The following GOLGA4 variants were observed in gnomAD, a reference collection of about 807,000 sequenced individuals.
The protein encoded by GOLGA4 is golgin A4, also known as golgin subfamily A member 4.
GOLGA4 carries 169 observed loss-of-function variants against 265.9 expected under a neutral mutation model. The ratio of observed to expected loss-of-function variants is 0.64; its 90% CI spans 0.56 to 0.72. The LOEUF is 0.72. GOLGA4 is among the 30% of genes least tolerant of loss of function. GOLGA4 has a pLI of 0.00. For synonymous variants in GOLGA4, 923 were observed against 855.8 expected (o/e 1.08, Z -1.37); for missense variants, 2,482 against 2,483.4 (o/e 1.00, Z 0.01).
rs1560280794 is a variant in GOLGA4 at position 37,258,037 on chromosome 3, A to ATATACATACATATATATATGTATG, written c.162+6558_162+6581dup. 7.2e-4 allele frequency among the ~76,000 whole-genome samples: 49 copies of ATATACATACATATATATATGTATG among 68,078 alleles called. 5 individuals carry two copies. Among genetic ancestry groups the ATATACATACATATATATATGTATG allele is most frequent in the Non-Finnish European group, 1.2e-3 (38 of 32,996 alleles). 44.7% of individuals were successfully genotyped at this position (68,078 alleles called of 152,430 possible). A position where few individuals can be genotyped will look rare whatever the true frequency, so the allele number is the denominator to read the frequency against. ...TATATATATGTATGTATATATGTAT[A>ATATACATACATATATATATGTATG]TATACATACATATATATATGTATGT... On this transcript the variant is annotated intron_variant, in intron 2 of 23. Transcript: ENST00000361924.
Position 37,286,014 on chromosome 3 carries a change from C to G in GOLGA4, c.478C>G (p.Leu160Val), listed in dbSNP as rs761497986. Residue 160 changes from leucine (L) to valine (V), a missense_variant and splice_region_variant, in exon 4 of 24, where the codon CTT becomes GTT. Around this residue, in one of 3 missense-constraint regions of GOLGA4, gnomAD observed 1,536 missense variants for 1,483.7 expected, o/e 1.04. Coordinates refer to ENST00000361924, the MANE Select transcript of GOLGA4 (RefSeq NM_002078.5). Reference protein sequence around the residue: ...LSSYRGKYSELVTAYQMLQRE... With the variant: ...LSSYRGKYSEVVTAYQMLQRE... ...AATGTTGTTGATGACTATATTTTAG[C>G]TTGTTACAGCTTATCAGATGCTTCA... is the stretch of plus-strand genomic sequence containing the variant. 1 of 1,551,628 alleles carries G rather than the reference C, an allele frequency of 6.4e-7. No homozygotes were observed. The highest frequency in any genetic ancestry group is 8.9e-7 in the Non-Finnish European group (1 of 1,129,888).
intron 22 of GOLGA4, among the ~76,000 whole-genome samples, chr3:37,360,183 C>T (rs1348485549): frequency 1.3e-5 from 2 of 152,066 alleles, no homozygotes; most frequent in Admixed American, 6.5e-5. Context: ...TTGCTTTTTT[C>T]ACTTAATATA....
At chr3:37,309,079 C>T (rs2096915619) in intron 10 of GOLGA4, among the ~76,000 whole-genome samples, 1 of 150,352 alleles carries the variant, frequency 6.7e-6, no homozygotes, top group African/African-American at 2.5e-5. Flanking sequence ...TGGTGAAACC[C>T]TGTCTCTACT....
intron 12 of GOLGA4, 23 bp downstream of exon 12, chr3:37,319,217 C>G (rs1412017171): frequency 2.6e-6 from 4 of 1,518,432 alleles, no homozygotes; most frequent in Non-Finnish European, 2.7e-6. Flanking sequence ...TTTTTTTTTT[C>G]TGCTATAGGT....
chr3:37,324,461 C>A lies in GOLGA4; in HGVS notation c.2575C>A (p.His859Asn). Residue 859 changes from histidine to asparagine, a missense_variant, in exon 14 of 24, where the codon CAC becomes AAC. His to Asn is a moderately conservative substitution (Grantham distance 68). Around this residue, in one of 3 missense-constraint regions of GOLGA4, gnomAD observed 1,536 missense variants for 1,483.7 expected, o/e 1.04. Coordinates refer to ENST00000361924, the MANE Select transcript of GOLGA4 (RefSeq NM_002078.5). Reference protein sequence around the residue: ...KKDVCTELDAHKIQVQDLMQQ... With the variant: ...KKDVCTELDANKIQVQDLMQQ... ...AGATGTTTGTACTGAGTTAGATGCT[C>A]ACAAAATCCAGGTGCAGGACTTAAT... 6.2e-7 allele frequency: 1 copy of A among 1,614,064 alleles called. No individual in the cohort carries two copies. The highest frequency in any genetic ancestry group is 1.1e-5 in the South Asian group (1 of 91,048).
Position 37,314,690 on chromosome 3 carries a change from A to G in GOLGA4, c.1235-730A>G, listed in dbSNP as rs544185073. Among the ~76,000 whole-genome samples the G allele has an allele frequency of 3.5e-4, 45 of 128,588 alleles. 1 individual carries two copies. The South Asian group carries it at 8.9e-3, about 25-fold the overall frequency. 84.4% of individuals were successfully genotyped at this position (128,588 alleles called of 152,430 possible). The stretch of plus-strand genomic sequence containing the variant: ...ACACACACACACACACACGAAAAAA[A>G]CCTTACTACTCTAGCCAAGATGATT... On this transcript the variant is annotated intron_variant, in intron 10 of 23. Transcript: ENST00000361924.
chr3:37,267,705 C>G (rs563883236), intron 2 of GOLGA4, among the ~76,000 whole-genome samples: 1 of 152,138 alleles, frequency 6.6e-6, no homozygotes, highest in African/African-American at 2.4e-5. Context: ...TTATTAATTA[C>G]AAAAACAAAA....
Position 37,324,723 on chromosome 3 carries a change from A to C in GOLGA4, c.2837A>C (p.Glu946Ala), listed in dbSNP as rs752667578. The C allele has an allele frequency of 1.3e-6, 2 of 1,589,412 alleles. No individual in the cohort carries two copies. The highest frequency in any genetic ancestry group is 4.5e-5 in the East Asian group (2 of 44,774). ...DSIHILNEEY[E>A]TKFKNQEKKM... is the part of the protein sequence containing the mutation. The stretch of plus-strand genomic sequence containing the variant: ...ATTCATATTTTGAATGAGGAATATG[A>C]AACCAAATTTAAAAACCAAGAAAAA... Residue 946 changes from glutamate to alanine, a missense_variant, in exon 14 of 24, where the codon GAA (glutamate) becomes GCA (alanine). Physicochemically the swap from Glu to Ala is moderately radical, Grantham distance 107 (BLOSUM62 -1). Coordinates refer to ENST00000361924, the MANE Select transcript of GOLGA4 (RefSeq NM_002078.5).
intron 2 of GOLGA4, among the ~76,000 whole-genome samples, chr3:37,272,035 C>G (rs1190044151): frequency 1.3e-5 from 2 of 152,150 alleles, no homozygotes; most frequent in Non-Finnish European, 2.9e-5. Flanking sequence ...ATGGGACTGT[C>G]TAGTTGTAGG....
chr3:37,258,005 A>T lies in GOLGA4; in HGVS notation c.162+6521A>T, dbSNP rs1486278959. The stretch of plus-strand genomic sequence containing the variant: ...TATATGTATGTATATATGTATATAT[A>T]CATACATATATATATGTATGTATAT... On this transcript the variant is annotated intron_variant, in intron 2 of 23. Transcript: ENST00000361924. 5.3e-5 allele frequency among the ~76,000 whole-genome samples: 4 copies of T among 75,954 alleles called. No individual in the cohort carries two copies. The East Asian group carries it at 9.9e-4, about 19-fold the overall frequency. The allele number at this position is 75,954 out of a possible 152,430, so 49.8% of individuals were successfully genotyped here.
rs1422283885 is a variant in GOLGA4 at position 37,366,122 on chromosome 3, G to T, written c.*76G>T. The T allele has an allele frequency of 6.6e-7, 1 of 1,518,068 alleles. No homozygotes were observed. Among genetic ancestry groups the T allele is most frequent in the Admixed American group, 2.0e-5 (1 of 50,240 alleles). The allele number at this position is 1,518,068 out of a possible 1,614,324, so 94.0% of individuals were successfully genotyped here. A position where few individuals can be genotyped will look rare whatever the true frequency, so the allele number is the denominator to read the frequency against. Reference sequence around the variant, plus strand: ...ATCTTGAAGAAGAGTGACATTGGGTGACTGCTGCTTGGAAAACTGTCCACA... The same window carrying T: ...ATCTTGAAGAAGAGTGACATTGGGTTACTGCTGCTTGGAAAACTGTCCACA... On this transcript the variant is annotated 3_prime_UTR_variant, in exon 24 of 24. Transcript: ENST00000361924.
Position 37,355,134 on chromosome 3 carries a change from T to C in GOLGA4, c.6610T>C (p.Phe2204Leu). ...AAAAGTTATAACCACCGTACTGAAG[T>C]TCCCTGATGATCAGACTCAGAAAAT... ...MAKVITTVLKFPDDQTQKILE... is the reference protein window; with the variant it reads ...MAKVITTVLKLPDDQTQKILE... The change falls in exon 22 of 24, where the codon TTC (phenylalanine) becomes CTC (leucine). Residue 2204 changes from phenylalanine to leucine, a missense_variant. Physicochemically the swap from Phe to Leu is conservative, Grantham distance 22. Transcript: ENST00000361924. 1 of 1,608,324 alleles carries C rather than the reference T, an allele frequency of 6.2e-7. No homozygotes were observed. The highest frequency in any genetic ancestry group is 8.5e-7 in the Non-Finnish European group (1 of 1,175,064).
chr3:37,293,464 A>G (rs1387243688), intron 5 of GOLGA4, among the ~76,000 whole-genome samples: 3 of 152,240 alleles, frequency 2.0e-5, no homozygotes, highest in Non-Finnish European at 2.9e-5. Context: ...GTGGTAAAAG[A>G]TAGGATCTAA....
intron 2 of GOLGA4, among the ~76,000 whole-genome samples, chr3:37,253,929 T>G (rs1299941976): frequency 2.0e-5 from 3 of 150,928 alleles, no homozygotes; most frequent in Admixed American, 1.3e-4. Context: ...GGCAGGAGAA[T>G]CAATTGAACT....
At chr3:37,328,939 T>C in intron 15 of GOLGA4, 24 bp from the exon 16 acceptor site, 1 of 1,553,328 alleles carries the variant, frequency 6.4e-7, no homozygotes, top group Non-Finnish European at 8.7e-7. Flanking sequence ...TGTTTTCTTG[T>C]GTGTGTTCAT....
chr3:37,361,060 A>G (rs1453995877), intron 22 of GOLGA4, among the ~76,000 whole-genome samples, 183 bp from the exon 23 acceptor site: 1 of 152,188 alleles, frequency 6.6e-6, no homozygotes, highest in Non-Finnish European at 1.5e-5. Context: ...ATATTTACCT[A>G]GGATATGGGG....
At chr3:37,253,601 T>C (rs2096739991) in intron 2 of GOLGA4, among the ~76,000 whole-genome samples, 1 of 152,168 alleles carries the variant, frequency 6.6e-6, no homozygotes, top group South Asian at 2.1e-4. Context: ...AAATAAACTT[T>C]AGCTGACTTG....
chr3:37,342,412 A>G (rs918555151), intron 20 of GOLGA4, among the ~76,000 whole-genome samples: 2 of 152,130 alleles, frequency 1.3e-5, no homozygotes, highest in Non-Finnish European at 2.9e-5. Context: ...AGTTCTTTAG[A>G]AGCCCCTGTG....
intron 2 of GOLGA4, among the ~76,000 whole-genome samples, chr3:37,271,537 T>C (rs1329875771): frequency 6.6e-6 from 1 of 152,148 alleles, no homozygotes; most frequent in Non-Finnish European, 1.5e-5. Flanking sequence ...CCCATATCTA[T>C]TACCCAATGC....
Sources: allele counts gnomAD v4.1 joint callset (sites outside exome capture counted in the v4.1 genomes callset), GRCh38; gene constraint gnomAD v4.1.1; regional missense constraint gnomAD v4.1.1; transcripts MANE v1.5; gene names NCBI Gene and HGNC (gene_info 2026-07-23, HGNC 2026-07-21).